COL4A6: variants seen among roughly 807,000 people sequenced by gnomAD.
COL4A6 encodes collagen type IV alpha 6 chain, also known as collagen alpha-6(IV) chain.
In COL4A6, 59 loss-of-function variants were observed where a neutral mutation model predicts 126.7. The ratio of observed to expected loss-of-function variants is 0.47; its 90% CI spans 0.38 to 0.58. COL4A6 has a LOEUF of 0.58. COL4A6 is among the 20% of genes least tolerant of loss of function. The probability of loss-of-function intolerance (pLI) is 0.00; values close to 1 mark genes in which losing one functional copy is unlikely to be tolerated. For missense variants in COL4A6, 1,285 were observed against 1,337.3 expected (o/e 0.96, Z 0.61); for synonymous variants, 547 against 496.6 (o/e 1.10, Z -1.35).
At chrX:108,164,269 A>G (rs1265179290) in intron 40 of COL4A6, among the ~76,000 whole-genome samples, 1 of 111,249 alleles carries the variant, frequency 9.0e-6, no homozygotes, top group Non-Finnish European at 1.9e-5. Flanking sequence ...GTGGGAAAGG[A>G]TGCAAAAGAC....
intron 3 of COL4A6, among the ~76,000 whole-genome samples, chrX:108,294,400 T>G (rs973642493): frequency 1.2e-5 from 1 of 81,044 alleles, no homozygotes; most frequent in Middle Eastern, 5.7e-3. Flanking sequence ...GGCAATTGTG[T>G]TTTTTTTTTT....
intron 2 of COL4A6, among the ~76,000 whole-genome samples, chrX:108,347,842 T>C (rs1471945430): frequency 9.1e-6 from 1 of 109,393 alleles, no homozygotes; most frequent in East Asian, 2.9e-4. Flanking sequence ...CAGACTGTTG[T>C]ATGGTGAACT....
intron 3 of COL4A6, among the ~76,000 whole-genome samples, chrX:108,309,438 A>G (rs2038707554): frequency 9.0e-6 from 1 of 111,328 alleles, no homozygotes. Context: ...ATCAACAAAT[A>G]AGATGTGAAG....
chrX:108,277,264 G>A (rs780784484), intron 3 of COL4A6, among the ~76,000 whole-genome samples: 2 of 111,927 alleles, frequency 1.8e-5, no homozygotes, highest in South Asian at 7.6e-4. Context: ...ACGGCACCTG[G>A]AAAATCGGGT....
At chrX:108,253,713 C>T (rs772968103) in intron 3 of COL4A6, among the ~76,000 whole-genome samples, 1 of 111,808 alleles carries the variant, frequency 8.9e-6, no homozygotes, top group Admixed American at 9.5e-5. Context: ...ATAAAGGATG[C>T]ATCCAGCCCA....
intron 3 of COL4A6, among the ~76,000 whole-genome samples, chrX:108,254,231 A>G (rs900972210): frequency 1.8e-5 from 2 of 109,710 alleles, no homozygotes; most frequent in African/African-American, 6.6e-5. Flanking sequence ...CCTGGCTTAT[A>G]TCCCTGATCT....
At chrX:108,161,988 CCTT>C in intron 41 of COL4A6, among the ~76,000 whole-genome samples, 1 of 112,374 alleles carries the variant, frequency 8.9e-6, no homozygotes, top group Admixed American at 9.4e-5. Context: ...CTTCCTCCTC[CCTT>C]CTTCTCATCC....
chrX:108,375,343 T>A (rs1251562048), intron 2 of COL4A6, among the ~76,000 whole-genome samples: 1 of 111,867 alleles, frequency 8.9e-6, no homozygotes, highest in African/African-American at 3.2e-5. Flanking sequence ...TCTCAGGAAT[T>A]TTTACTTATT....
At chrX:108,169,400 C>A (rs2034227080) in intron 37 of COL4A6, 95 bp downstream of exon 37, 1 of 1,105,298 alleles carries the variant, frequency 9.0e-7, no homozygotes, top group African/African-American at 1.8e-5. Flanking sequence ...ACACTCACAG[C>A]CCAACCCTGT....
At chrX:108,192,406 A>G (rs1167510063) in intron 18 of COL4A6, 67 bp downstream of exon 18, 3 of 800,848 alleles carry the variant, frequency 3.7e-6, no homozygotes, top group Non-Finnish European at 5.5e-6. Flanking sequence ...GAGGTATAGA[A>G]GGGAATGCTG....
chrX:108,215,266 C>T (rs2035828517), intron 5 of COL4A6, among the ~76,000 whole-genome samples: 1 of 112,193 alleles, frequency 8.9e-6, no homozygotes, highest in South Asian at 3.7e-4. Context: ...AAGAGCTAGA[C>T]ACACTGTTAA....
At chrX:108,284,268 C>T (rs898875915) in intron 3 of COL4A6, among the ~76,000 whole-genome samples, 9 of 91,234 alleles carry the variant, frequency 9.9e-5, no homozygotes, top group Admixed American at 2.8e-4. Flanking sequence ...CAATGAGAAC[C>T]GTGGACACAG....
At chrX:108,264,893 A>G (rs2037259094) in intron 3 of COL4A6, among the ~76,000 whole-genome samples, 1 of 111,797 alleles carries the variant, frequency 8.9e-6, no homozygotes, top group South Asian at 3.8e-4. Context: ...GAATTAAGGG[A>G]AAGAGCATGG....
At chrX:108,280,376 AT>A (rs1480544257) in intron 3 of COL4A6, among the ~76,000 whole-genome samples, 1 of 112,116 alleles carries the variant, frequency 8.9e-6, no homozygotes, top group African/African-American at 3.2e-5. Flanking sequence ...CTCTACGCAA[AT>A]AAACTAGAAA....
At chrX:108,171,631 A>G (rs1393829506) in intron 32 of COL4A6, among the ~76,000 whole-genome samples, 170 bp from the exon 33 acceptor site, 1 of 111,881 alleles carries the variant, frequency 8.9e-6, no homozygotes, top group Non-Finnish European at 1.9e-5. Context: ...AGGAGCTGGG[A>G]TGCTGCTACC....
chrX:108,214,208 G>T lies in COL4A6; in HGVS notation c.345C>A (p.Gly115=). Residue 115 remains glycine (G), a synonymous_variant, in exon 6 of 45, where the codon GGC becomes GGA. Transcript: ENST00000334504. ...CATCCAGACCAGGTGGGCCTCTGGG[G>T]CCTGGTTGTCCAGGGTGGCCCTGTT... ...NGIPGHPGQP[G]PRGPPGLDGC... 8.3e-7 allele frequency: 1 copy of T among 1,206,255 alleles called. No homozygotes were observed. The highest frequency in any genetic ancestry group is 1.8e-5 in the South Asian group (1 of 56,254).
At chrX:108,308,651 T>C (rs1027508129) in intron 3 of COL4A6, among the ~76,000 whole-genome samples, 2 of 112,322 alleles carry the variant, frequency 1.8e-5, no homozygotes, top group Non-Finnish European at 3.8e-5. Context: ...CTCATCATAT[T>C]AGCAAAAATA....
At position 108,369,096 on chromosome X, in the gene COL4A6, GTTA is replaced by G. The variant is rs1439626482; in HGVS notation, c.64-58271_64-58269del. Among the ~76,000 whole-genome samples the G allele has an allele frequency of 3.6e-5, 4 of 111,735 alleles. No homozygotes were observed. The South Asian group carries it at 1.5e-3, about 42-fold the overall frequency. ...ATCATGGCTGTACATAATTATATGT[GTTA>G]TACTTTTATACAACTGGCAGTGCAA... On this transcript the variant is annotated intron_variant, in intron 2 of 44. Coordinates refer to ENST00000334504, the MANE Select transcript of COL4A6 (RefSeq NM_033641.4).
At position 108,267,917 on chromosome X, in the gene COL4A6, T is replaced by A. The variant is rs747957178; in HGVS notation, c.144+42831A>T. The A allele has an allele frequency of 2.7e-5, 3 of 112,965 alleles. No homozygotes were observed. In the East Asian group the frequency reaches 8.3e-4, roughly 31 times the overall value. The allele number at this position is 112,965 out of a possible 1,213,427, so 9.3% of individuals were successfully genotyped here. A position where few individuals can be genotyped will look rare whatever the true frequency, so the allele number is the denominator to read the frequency against. On this transcript the variant is annotated intron_variant, in intron 3 of 44. Transcript: ENST00000334504. ...GCATTGAACTTAGTTTTCATGAAAA[T>A]AATAGTTTTCTTTTTATACTCATAT...
Sources: allele counts gnomAD v4.1 joint callset (sites outside exome capture counted in the v4.1 genomes callset), GRCh38; gene constraint gnomAD v4.1.1; transcripts MANE v1.5; gene names NCBI Gene and HGNC (gene_info 2026-07-23, HGNC 2026-07-21).